PEX14: variants seen among roughly 807,000 people sequenced by gnomAD.
The protein encoded by PEX14 is peroxisomal membrane protein PEX14.
Under a neutral mutation model 49.5 loss-of-function variants are expected in PEX14, and 15 were observed. The ratio of observed to expected loss-of-function variants is 0.30; its 90% confidence interval spans 0.20 to 0.47. The LOEUF is 0.47. Ranked by LOEUF, PEX14 falls within the 20% of genes least tolerant of loss-of-function variation. PEX14 has a pLI of 1.00. For missense variants in PEX14, 398 were observed against 494.8 expected (o/e 0.80, Z 1.86); for synonymous variants, 210 against 212.7 (o/e 0.99, Z 0.11).
chr1:10,587,630 T>A (rs555255567), intron 3 of PEX14, among the ~76,000 whole-genome samples: 1 of 152,224 alleles, frequency 6.6e-6, no homozygotes, highest in Non-Finnish European at 1.5e-5. Flanking sequence ...AGGGATATAG[T>A]TTACACATGT....
At chr1:10,535,542 C>T (rs951381760) in intron 2 of PEX14, among the ~76,000 whole-genome samples, 2 of 152,168 alleles carry the variant, frequency 1.3e-5, no homozygotes, top group Non-Finnish European at 2.9e-5. Context: ...GGGACGCCCT[C>T]AACACTTTGC....
chr1:10,489,969 A>G (rs1641442289), intron 1 of PEX14, among the ~76,000 whole-genome samples: 1 of 152,226 alleles, frequency 6.6e-6, no homozygotes, highest in Admixed American at 6.5e-5. Context: ...GTGGGAGGGC[A>G]AATCTGTTCC....
At chr1:10,614,444 C>CTTGGG (rs368778186) in intron 4 of PEX14, among the ~76,000 whole-genome samples, 8 of 148,828 alleles carry the variant, frequency 5.4e-5, no homozygotes, top group African/African-American at 1.6e-4. Context: ...ACAGGTGTTT[C>CTTGGG]TTGGGGCTGG....
At position 10,495,165 on chromosome 1, in the gene PEX14, G is replaced by T; in HGVS notation, c.37-109G>T. ...GTGTCGTGAAAAACCAGTGAGAGAT[G>T]TGAGAAAGAGGTGCCAGCGTGCATC... is the stretch of plus-strand genomic sequence containing the variant. On this transcript the variant is annotated intron_variant, in intron 1 of 8. Transcript: ENST00000356607. The surrounding 1 kb of genome is among the most constrained non-coding windows in gnomAD (Gnocchi z 4.2). The T allele has an allele frequency of 1.9e-6, 3 of 1,574,850 alleles. No homozygotes were observed. Among genetic ancestry groups the T allele is most frequent in the Non-Finnish European group, 1.7e-6 (2 of 1,153,956 alleles).
At chr1:10,507,991 T>C (rs1462458228) in intron 2 of PEX14, among the ~76,000 whole-genome samples, 1 of 152,148 alleles carries the variant, frequency 6.6e-6, no homozygotes, top group Non-Finnish European at 1.5e-5. Context: ...TGTTTAGAGG[T>C]TTTGAAACTT....
intron 3 of PEX14, among the ~76,000 whole-genome samples, chr1:10,592,603 CT>C (rs1297589476): frequency 6.6e-6 from 1 of 152,128 alleles, no homozygotes. Flanking sequence ...AAGTTTCCTC[CT>C]TATGTGGAAG....
At chr1:10,601,791 C>T (rs2124606742) in intron 4 of PEX14, among the ~76,000 whole-genome samples, 1 of 152,310 alleles carries the variant, frequency 6.6e-6, no homozygotes, top group South Asian at 2.1e-4. Context: ...TTCTTTTTAA[C>T]CAAAGGCTGA....
intron 3 of PEX14, among the ~76,000 whole-genome samples, chr1:10,594,460 C>T (rs1174304267): frequency 6.6e-6 from 1 of 152,216 alleles, no homozygotes; most frequent in Non-Finnish European, 1.5e-5. Context: ...TGTCACTGGC[C>T]CCCTGGCCCT....
At chr1:10,510,479 C>T (rs1641862977) in intron 2 of PEX14, among the ~76,000 whole-genome samples, 1 of 152,158 alleles carries the variant, frequency 6.6e-6, no homozygotes, top group African/African-American at 2.4e-5. Context: ...ATCTACTTTG[C>T]TCTGGCATGG....
intron 3 of PEX14, among the ~76,000 whole-genome samples, chr1:10,559,660 A>G (rs1056645136): frequency 4.6e-5 from 7 of 152,130 alleles, no homozygotes; most frequent in Admixed American, 1.3e-4. Context: ...GGAAAGGGCA[A>G]GTTTTTGGCC....
chr1:10,498,775 A>G (rs1641615497), intron 2 of PEX14, among the ~76,000 whole-genome samples: 1 of 152,228 alleles, frequency 6.6e-6, no homozygotes, highest in South Asian at 2.1e-4. Context: ...GTTGTTGACA[A>G]AACTCCGCCA....
intron 2 of PEX14, among the ~76,000 whole-genome samples, chr1:10,519,517 C>T (rs1027555533): frequency 2.0e-5 from 3 of 152,170 alleles, no homozygotes; most frequent in Non-Finnish European, 4.4e-5. Flanking sequence ...TAATAGGATG[C>T]CTTATTACAA....
rs1448101968 is a variant in PEX14 at position 10,629,203 on chromosome 1, G to A, written c.678-328G>A. On this transcript the variant is annotated intron_variant, in intron 8 of 8. Transcript: ENST00000356607. The surrounding 1 kb of genome is among the most constrained non-coding windows in gnomAD (Gnocchi z 8.5). ...GGGTTGGAGGCAGGGATGGTGCTGAGGATCAGAAGGAAGCAGGCTCCCGCA... is the reference window on the plus strand; with the variant it reads ...GGGTTGGAGGCAGGGATGGTGCTGAAGATCAGAAGGAAGCAGGCTCCCGCA... 6.6e-6 allele frequency among the ~76,000 whole-genome samples: 1 copy of A among 152,258 alleles called. No individual in the cohort carries two copies. Among genetic ancestry groups the A allele is most frequent in the Non-Finnish European group, 1.5e-5 (1 of 68,044 alleles).
chr1:10,480,859 C>CTA (rs534388595), intron 1 of PEX14, among the ~76,000 whole-genome samples: 2 of 126,068 alleles, frequency 1.6e-5, no homozygotes, highest in East Asian at 4.1e-4. Context: ...CTCTCTCTCT[C>CTA]TATATATATA....
chr1:10,499,129 T>C (rs1557812609), intron 2 of PEX14, among the ~76,000 whole-genome samples: 2 of 152,258 alleles, frequency 1.3e-5, no homozygotes, highest in African/African-American at 2.4e-5. Context: ...AAATAAACTT[T>C]TGAGCTTTCC....
chr1:10,588,291 C>G (rs1248910158), intron 3 of PEX14, among the ~76,000 whole-genome samples: 1 of 152,092 alleles, frequency 6.6e-6, no homozygotes, highest in Non-Finnish European at 1.5e-5. Flanking sequence ...ATCCTCTTGC[C>G]TCATCCTCCC....
At chr1:10,564,885 G>T (rs1157701191) in intron 3 of PEX14, among the ~76,000 whole-genome samples, 1 of 148,552 alleles carries the variant, frequency 6.7e-6, no homozygotes, top group Non-Finnish European at 1.5e-5. Flanking sequence ...TCCCCCACTT[G>T]GTCCTATTTT....
intron 3 of PEX14, among the ~76,000 whole-genome samples, chr1:10,564,598 T>TC (rs1340469670): frequency 9.1e-4 from 14 of 15,384 alleles, no homozygotes; most frequent in Admixed American, 2.7e-3. Context: ...TTTCTTTCTT[T>TC]TTTTTTTTTT....
Position 10,597,481 on chromosome 1 carries a change from TCCTGTC to T in PEX14, c.170-1751_170-1746del, listed in dbSNP as rs1640861431. ...TGTTGTTGCCTGGCTTGCCTGTTGG[TCCTGTC>T]CCTGTTCTTCTTGGAAGGTGAAATT... On this transcript the variant is annotated intron_variant, in intron 3 of 8. Transcript: ENST00000356607. The surrounding 1 kb of genome is among the most constrained non-coding windows in gnomAD (Gnocchi z 5.7). Among the ~76,000 whole-genome samples, 1 of 152,196 alleles carries T rather than the reference TCCTGTC, an allele frequency of 6.6e-6. No homozygotes were observed. The highest frequency in any genetic ancestry group is 1.5e-5 in the Non-Finnish European group (1 of 68,028).
Sources: allele counts gnomAD v4.1 joint callset (sites outside exome capture counted in the v4.1 genomes callset), GRCh38; gene constraint gnomAD v4.1.1; non-coding constraint Gnocchi (gnomAD v3.1); transcripts MANE v1.5; gene names NCBI Gene and HGNC (gene_info 2026-07-23, HGNC 2026-07-21).